Variants in PCNX2 observed in about 807,000 individuals in gnomAD.
PCNX2 encodes pecanex-like protein 2.
PCNX2 carries 168 observed loss-of-function variants against 223.8 expected under a neutral mutation model. The observed-to-expected ratio is 0.75, with a 90% CI of 0.66 to 0.85. The LOEUF is 0.85. PCNX2 is among the 40% of genes least tolerant of loss of function. The probability of loss-of-function intolerance (pLI) is 0.00; values close to 1 mark genes in which losing one functional copy is unlikely to be tolerated. For missense variants in PCNX2, 2,507 were observed against 2,675.5 expected, an observed-to-expected ratio of 0.94 and a Z score of 1.39; for synonymous variants, 1,006 against 1,052.6, an observed-to-expected ratio of 0.96 and a Z score of 0.86.
chr1:233,132,751 T>A (rs1299436880), intron 21 of PCNX2, among the ~76,000 whole-genome samples: 1 of 152,238 alleles, frequency 6.6e-6, no homozygotes, highest in Non-Finnish European at 1.5e-5. Flanking sequence ...TCAGTTATAT[T>A]GACAAATCCT....
intron 21 of PCNX2, among the ~76,000 whole-genome samples, chr1:233,098,750 T>C (rs1674318924): frequency 6.6e-6 from 1 of 152,176 alleles, no homozygotes; most frequent in Admixed American, 6.5e-5. Flanking sequence ...CACATGCCAA[T>C]ATTTAAAAGC....
rs12409825 is a variant in PCNX2 at position 233,079,049 on chromosome 1, G to A, written c.4076+11012C>T. The stretch of plus-strand genomic sequence containing the variant: ...CTGAGGCAGAGAAGGGAAGTGGAAG[G>A]ACCAGCCTAAGTCACAGGGCACCTT... On this transcript the variant is annotated intron_variant, in intron 23 of 33. Coordinates refer to ENST00000258229, the MANE Select transcript of PCNX2 (RefSeq NM_014801.4). 8.0e-3 allele frequency among the ~76,000 whole-genome samples: 1,218 copies of A among 152,218 alleles called. 61 individuals carry two copies. Among genetic ancestry groups the A allele is most frequent in the Admixed American group, 0.068 (1,046 of 15,298 alleles).
intron 25 of PCNX2, among the ~76,000 whole-genome samples, chr1:233,028,645 T>C (rs1220778512): frequency 6.6e-6 from 1 of 152,216 alleles, no homozygotes; most frequent in African/African-American, 2.4e-5. Flanking sequence ...CAGATCTTTA[T>C]AGTTAAAACA....
chr1:233,006,782 C>A (rs1019620889), intron 28 of PCNX2, among the ~76,000 whole-genome samples: 1 of 152,148 alleles, frequency 6.6e-6, no homozygotes, highest in African/African-American at 2.4e-5. Context: ...TCTGCTGCCA[C>A]GCACTGCCAT....
intron 30 of PCNX2, chr1:232,999,700 C>T (rs946925936): frequency 3.0e-5 from 8 of 268,646 alleles, no homozygotes; most frequent in East Asian, 1.0e-4. Flanking sequence ...GTGATCCACA[C>T]GCCTCGGCCA....
At chr1:233,313,975 T>C in the PCNX2 span, among the ~76,000 whole-genome samples, 1 of 152,218 alleles carries the variant, frequency 6.6e-6, no homozygotes, top group African/African-American at 2.4e-5. Context: ...CAAATGCATG[T>C]GCCCTTTGAC....
chr1:233,001,515 A>AATAC lies in PCNX2; in HGVS notation c.5097+21_5097+22insGTAT. Reference sequence around the variant, plus strand: ...AAATAAATAAATAAATAAATAAATAAATAAATAAAATAGGTTTTTACCTGG... The same window carrying AATAC: ...AAATAAATAAATAAATAAATAAATAAATACATAAATAAAATAGGTTTTTACCTGG... On this transcript the variant is annotated intron_variant, in intron 29 of 33. Coordinates refer to ENST00000258229, the MANE Select transcript of PCNX2 (RefSeq NM_014801.4). The surrounding 1 kb of genome is among the most constrained non-coding windows in gnomAD (Gnocchi z 4.2). 1 of 1,250,058 alleles carries AATAC rather than the reference A, an allele frequency of 8.0e-7. No individual in the cohort carries two copies. Among genetic ancestry groups the AATAC allele is most frequent in the Admixed American group, 4.0e-5 (1 of 25,240 alleles). 77.4% of individuals were successfully genotyped at this position (1,250,058 alleles called of 1,614,324 possible).
intron 15 of PCNX2, among the ~76,000 whole-genome samples, chr1:233,179,920 A>G (rs893339537): frequency 1.3e-5 from 2 of 152,222 alleles, no homozygotes; most frequent in Non-Finnish European, 2.9e-5. Flanking sequence ...GTGTTAAGCT[A>G]TTAGCAAATA....
At chr1:232,997,575 G>T (rs565847292) in intron 32 of PCNX2, among the ~76,000 whole-genome samples, 6 of 152,324 alleles carry the variant, frequency 3.9e-5, no homozygotes, top group African/African-American at 1.4e-4. Context: ...ATGTTCCCAG[G>T]ACACTCATCC....
chr1:233,067,988 T>TAA (rs1300075779), intron 23 of PCNX2, among the ~76,000 whole-genome samples: 5 of 151,966 alleles, frequency 3.3e-5, no homozygotes, highest in Non-Finnish European at 7.4e-5. Context: ...AAGTTGGAAG[T>TAA]AAAGTTGAAG....
intron 1 of PCNX2, chr1:233,288,949 C>G: frequency 6.6e-7 from 1 of 1,507,570 alleles, no homozygotes; most frequent in Non-Finnish European, 9.2e-7. Flanking sequence ...ACCTTGTGTT[C>G]CACATTGTTC....
chr1:233,092,440 A>G (rs1673918370), intron 22 of PCNX2, among the ~76,000 whole-genome samples: 3 of 152,264 alleles, frequency 2.0e-5, no homozygotes, highest in African/African-American at 7.2e-5. Flanking sequence ...AATGCCAGAA[A>G]CAATTATCCA....
chr1:233,139,528 C>T lies in PCNX2; in HGVS notation c.3659+186G>A, dbSNP rs761922233. 6.6e-6 allele frequency among the ~76,000 whole-genome samples: 1 copy of T among 152,100 alleles called. No individual in the cohort carries two copies. Among genetic ancestry groups the T allele is most frequent in the Non-Finnish European group, 1.5e-5 (1 of 68,026 alleles). On this transcript the variant is annotated intron_variant, in intron 20 of 33. Coordinates refer to ENST00000258229, the MANE Select transcript of PCNX2 (RefSeq NM_014801.4). The surrounding 1 kb of genome is among the most constrained non-coding windows in gnomAD (Gnocchi z 4.4). ...CAAGCAGATCTAACTTCATTTGCAC[C>T]CCAGTCATTCTACAATAACTGTCTA...
chr1:233,155,007 TG>T (rs1403431281), intron 19 of PCNX2, among the ~76,000 whole-genome samples: 5 of 143,748 alleles, frequency 3.5e-5, no homozygotes, highest in Non-Finnish European at 7.5e-5. Context: ...GGGTGGAAGT[TG>T]GGTGAGCTGG....
chr1:233,004,345 A>G (rs1353198001), intron 28 of PCNX2, among the ~76,000 whole-genome samples: 4 of 152,154 alleles, frequency 2.6e-5, no homozygotes, highest in East Asian at 3.8e-4. Context: ...GAACAGGGGT[A>G]TCACCCAAGG....
intron 13 of PCNX2, among the ~76,000 whole-genome samples, chr1:233,206,938 G>C (rs1437483402): frequency 6.6e-6 from 1 of 152,032 alleles, no homozygotes; most frequent in Non-Finnish European, 1.5e-5. Context: ...TTGAATCCAG[G>C]AGGTGGAGGT....
chr1:233,007,096 C>T (rs978228379), intron 28 of PCNX2, among the ~76,000 whole-genome samples: 6 of 152,044 alleles, frequency 3.9e-5, no homozygotes, highest in Non-Finnish European at 7.4e-5. Flanking sequence ...CATGTACAGT[C>T]GCACATGCCT....
At chr1:233,030,869 G>A (rs977267116) in intron 25 of PCNX2, among the ~76,000 whole-genome samples, 1 of 152,218 alleles carries the variant, frequency 6.6e-6, no homozygotes, top group East Asian at 1.9e-4. Context: ...ATCTAATCAC[G>A]AAAGGGGATC....
chr1:233,254,504 G>T (rs768641720), intron 5 of PCNX2, among the ~76,000 whole-genome samples: 1 of 151,882 alleles, frequency 6.6e-6, no homozygotes, highest in Non-Finnish European at 1.5e-5. Context: ...ACATATGGAC[G>T]GTTTTTTTCC....
Sources: allele counts gnomAD v4.1 joint callset (sites outside exome capture counted in the v4.1 genomes callset), GRCh38; gene constraint gnomAD v4.1.1; non-coding constraint Gnocchi (gnomAD v3.1); transcripts MANE v1.5; gene names NCBI Gene and HGNC (gene_info 2026-07-23, HGNC 2026-07-21).